Variants in LHFPL2 observed in about 807,000 individuals in gnomAD.
LHFPL2 encodes the protein LHFPL tetraspan subfamily member 2.
A neutral mutation model predicts 17.5 loss-of-function variants in LHFPL2; 7 were observed. That is an observed-to-expected ratio of 0.40 (90% confidence interval 0.23 to 0.75). The LOEUF is 0.75. LHFPL2 is among the 30% of genes least tolerant of loss of function. LHFPL2 has a pLI of 0.37. For missense variants in LHFPL2, 241 were observed against 294.8 expected (o/e 0.82, Z 1.34); for synonymous variants, 134 against 116.2 (o/e 1.15, Z -0.99).
At chr5:78,583,975 T>C (rs1315779264) in intron 2 of LHFPL2, among the ~76,000 whole-genome samples, 13 of 151,664 alleles carry the variant, frequency 8.6e-5, no homozygotes, top group South Asian at 2.1e-4. Flanking sequence ...GGAGGCTTTG[T>C]TCATTTCTTT....
At chr5:78,509,075 G>C (rs950999524) in intron 4 of LHFPL2, among the ~76,000 whole-genome samples, 1 of 152,218 alleles carries the variant, frequency 6.6e-6, no homozygotes, top group South Asian at 2.1e-4. Context: ...CTTCTCCCTG[G>C]GACCACTGTA....
At chr5:78,520,962 G>A (rs1010560195) in intron 3 of LHFPL2, among the ~76,000 whole-genome samples, 2 of 152,088 alleles carry the variant, frequency 1.3e-5, no homozygotes, top group Non-Finnish European at 2.9e-5. Flanking sequence ...TTGGAATCAC[G>A]AACAATTTGA....
intron 2 of LHFPL2, among the ~76,000 whole-genome samples, chr5:78,630,268 T>C (rs1026617812): frequency 6.6e-6 from 1 of 152,138 alleles, no homozygotes; most frequent in African/African-American, 2.4e-5. Context: ...GCCGGCACTC[T>C]CCCTGCATGG....
At chr5:78,490,746 C>CAAAAAAAAAAAAAAAAAAAAAAA (rs370809060) in intron 4 of LHFPL2, among the ~76,000 whole-genome samples, 2 of 92,126 alleles carry the variant, frequency 2.2e-5, no homozygotes, top group African/African-American at 9.7e-5. Context: ...GACTCCCTCT[C>CAAAAAAAAAAAAAAAAAAAAAAA]AAAAAAAAAA....
At chr5:78,579,545 A>G (rs981886249) in intron 2 of LHFPL2, among the ~76,000 whole-genome samples, 19 of 149,398 alleles carry the variant, frequency 1.3e-4, no homozygotes, top group African/African-American at 4.0e-4. Context: ...TCCTGTGTCC[A>G]TGTGTTCTCA....
intron 3 of LHFPL2, among the ~76,000 whole-genome samples, chr5:78,546,108 C>T (rs1756262786): frequency 6.6e-6 from 1 of 152,110 alleles, no homozygotes; most frequent in African/African-American, 2.4e-5. Context: ...GCCATTAAAC[C>T]CAAGCACAAA....
intron 3 of LHFPL2, among the ~76,000 whole-genome samples, chr5:78,557,101 T>C (rs898394706): frequency 5.9e-5 from 9 of 152,272 alleles, no homozygotes; most frequent in African/African-American, 2.2e-4. Context: ...TTCAAGAGTA[T>C]ACCAGTGTTC....
intron 4 of LHFPL2, among the ~76,000 whole-genome samples, chr5:78,495,659 C>T (rs372589642): frequency 1.3e-5 from 2 of 152,138 alleles, no homozygotes; most frequent in African/African-American, 2.4e-5. Context: ...TTTACTAAGT[C>T]GAAATCAAAC....
At chr5:78,569,802 C>G (rs1756949915) in intron 2 of LHFPL2, among the ~76,000 whole-genome samples, 1 of 152,164 alleles carries the variant, frequency 6.6e-6, no homozygotes, top group African/African-American at 2.4e-5. Flanking sequence ...CTCGCGGACT[C>G]TAAGCCAAAC....
chr5:78,535,856 A>C (rs758463339), intron 3 of LHFPL2, among the ~76,000 whole-genome samples: 1 of 152,144 alleles, frequency 6.6e-6, no homozygotes, highest in East Asian at 1.9e-4. Flanking sequence ...ACACGAACTC[A>C]TAACAATCTA....
At chr5:78,509,549 G>C (rs1459056603) in intron 4 of LHFPL2, among the ~76,000 whole-genome samples, 1 of 152,198 alleles carries the variant, frequency 6.6e-6, no homozygotes, top group African/African-American at 2.4e-5. Flanking sequence ...GCAATGAGGA[G>C]GACCACGTAA....
chr5:78,607,969 G>A (rs560917270), intron 2 of LHFPL2, among the ~76,000 whole-genome samples: 1 of 152,324 alleles, frequency 6.6e-6, no homozygotes, highest in African/African-American at 2.4e-5. Context: ...AAGAAGATAT[G>A]TGATATCCTT....
chr5:78,606,442 C>T (rs1048629734), intron 2 of LHFPL2, among the ~76,000 whole-genome samples: 45 of 152,246 alleles, frequency 3.0e-4, no homozygotes, highest in African/African-American at 1.1e-3. Context: ...CTCAAAAAGT[C>T]GGTAATTAAA....
chr5:78,507,370 G>A (rs2112316657), intron 4 of LHFPL2, among the ~76,000 whole-genome samples: 1 of 151,924 alleles, frequency 6.6e-6, no homozygotes, highest in East Asian at 1.9e-4. Flanking sequence ...AAAACTCACT[G>A]GAGTGTTCAA....
intron 4 of LHFPL2, among the ~76,000 whole-genome samples, chr5:78,505,105 T>G (rs2112312671): frequency 6.6e-6 from 1 of 152,266 alleles, no homozygotes; most frequent in East Asian, 1.9e-4. Flanking sequence ...CATGGACTTC[T>G]AAGAGAGCCC....
rs368187438 is a variant in LHFPL2 at position 78,520,400 on chromosome 5, T to C, written c.-185-10002A>G. On this transcript the variant is annotated intron_variant, in intron 3 of 4. Transcript: ENST00000380345. ...TGGCTTCAATGTCTCAGGCCCAAAG[T>C]GAAGGCGCTGGACTTGCAGATCACC... Among the ~76,000 whole-genome samples the C allele has an allele frequency of 1.3e-3, 195 of 152,290 alleles. 5 individuals carry two copies. The South Asian group carries it at 0.039, about 30-fold the overall frequency.
At chr5:78,541,711 G>A (rs1756119425) in intron 3 of LHFPL2, among the ~76,000 whole-genome samples, 1 of 152,180 alleles carries the variant, frequency 6.6e-6, no homozygotes, top group East Asian at 1.9e-4. Flanking sequence ...TCAAGAGGGG[G>A]AAGAACATAA....
rs558348824 is a variant in LHFPL2, at chr5:78,494,368, G to A, written c.431-5215C>T. On this transcript the variant is annotated intron_variant, in intron 4 of 4. Coordinates refer to ENST00000380345, the MANE Select transcript of LHFPL2 (RefSeq NM_005779.3). Reference sequence around the variant, plus strand: ...CACCTGGAGGGCTGCTCACCTCTGCGATGGCTCAACTTGACAGAATGGTGC... The same window carrying A: ...CACCTGGAGGGCTGCTCACCTCTGCAATGGCTCAACTTGACAGAATGGTGC... 203 of 985,306 alleles carry A rather than the reference G, an allele frequency of 2.1e-4. No individual in the cohort carries two copies. In the African/African-American group the frequency reaches 2.5e-3, roughly 12 times the overall value. 61.0% of individuals were successfully genotyped at this position (985,306 alleles called of 1,614,324 possible).
At chr5:78,596,752 GC>G (rs1384932405) in intron 2 of LHFPL2, among the ~76,000 whole-genome samples, 2 of 152,132 alleles carry the variant, frequency 1.3e-5, no homozygotes, top group Non-Finnish European at 2.9e-5. Flanking sequence ...GCTGCCCAAA[GC>G]CCAGCAAGCC....
Sources: allele counts gnomAD v4.1 joint callset (sites outside exome capture counted in the v4.1 genomes callset), GRCh38; gene constraint gnomAD v4.1.1; transcripts MANE v1.5; gene names NCBI Gene and HGNC (gene_info 2026-07-23, HGNC 2026-07-21).